ZC3H18: variants seen among roughly 807,000 people sequenced by gnomAD.
ZC3H18 encodes the protein zinc finger CCCH domain-containing protein 18.
In ZC3H18, 8 loss-of-function variants were observed where a neutral mutation model predicts 106.1. The ratio of observed to expected loss-of-function variants is 0.08; its 90% CI spans 0.04 to 0.14. The LOEUF is 0.14. ZC3H18 is among the 10% of genes least tolerant of loss of function. The pLI, the probability that ZC3H18 is intolerant of heterozygous loss-of-function variation, is 1.00. For synonymous variants in ZC3H18, 635 were observed against 522.1 expected (o/e 1.22, Z -2.95); for missense variants, 1,318 against 1,278.4 (o/e 1.03, Z -0.47).
intron 2 of ZC3H18, among the ~76,000 whole-genome samples, chr16:88,580,105 C>T (rs1915015722): frequency 6.6e-6 from 1 of 150,382 alleles, no homozygotes; most frequent in Admixed American, 6.6e-5. Context: ...TCAGCATTTG[C>T]GTAGGCTGTT....
At chr16:88,582,846 C>T (rs1915215376) in intron 2 of ZC3H18, among the ~76,000 whole-genome samples, 1 of 152,218 alleles carries the variant, frequency 6.6e-6, no homozygotes, top group African/African-American at 2.4e-5. Flanking sequence ...CCTGCCTCCC[C>T]TCTTGTGGGA....
intron 1 of ZC3H18, among the ~76,000 whole-genome samples, chr16:88,574,979 G>A (rs562649098): frequency 3.3e-4 from 50 of 151,346 alleles, no homozygotes; most frequent in South Asian, 4.2e-4. Context: ...ACAGGCACCC[G>A]CCACCACACC....
At chr16:88,598,032 T>A in intron 3 of ZC3H18, 146 bp from the exon 4 acceptor site, 525 of 580,288 alleles carry the variant, frequency 9.0e-4, no homozygotes, top group East Asian at 2.9e-3. Flanking sequence ...CCCGCCCACC[T>A]CCCCGTTCAG....
chr16:88,577,848 G>A, intron 2 of ZC3H18, 122 bp downstream of exon 2: 1 of 1,538,936 alleles, frequency 6.5e-7, no homozygotes. Context: ...GGATGGTGCA[G>A]GAGAATGAGA....
intron 5 of ZC3H18, 148 bp downstream of exon 5, chr16:88,598,860 A>T: frequency 1.4e-6 from 1 of 696,888 alleles, no homozygotes; most frequent in Non-Finnish European, 2.2e-6. Flanking sequence ...TTTATTTTTT[A>T]TTTATTTATT....
At chr16:88,576,147 G>C (rs1381433314) in intron 1 of ZC3H18, among the ~76,000 whole-genome samples, 2 of 151,992 alleles carry the variant, frequency 1.3e-5, no homozygotes, top group East Asian at 3.9e-4. Flanking sequence ...TGATCCACCT[G>C]CCTCGGGCCT....
At chr16:88,607,208 C>T (rs1182895221) in intron 6 of ZC3H18, among the ~76,000 whole-genome samples, 3 of 152,350 alleles carry the variant, frequency 2.0e-5, no homozygotes, top group African/African-American at 7.2e-5. Flanking sequence ...CTGGGTCTGC[C>T]TCTGGACCTC....
chr16:88,577,008 C>T (rs993315157), intron 1 of ZC3H18, 102 bp from the exon 2 acceptor site: 5 of 1,273,362 alleles, frequency 3.9e-6, no homozygotes, highest in Middle Eastern at 4.5e-4. Flanking sequence ...CCGTGTGGGA[C>T]CAAGCAGGAT....
intron 17 of ZC3H18, 54 bp downstream of exon 17, chr16:88,630,635 G>A (rs760916316): frequency 8.7e-6 from 13 of 1,492,074 alleles, no homozygotes; most frequent in Middle Eastern, 2.0e-4. Flanking sequence ...AGCCCCAGTC[G>A]CTTCCCCAGG....
intron 8 of ZC3H18, among the ~76,000 whole-genome samples, chr16:88,614,747 G>A (rs914218555): frequency 3.3e-5 from 5 of 152,216 alleles, no homozygotes; most frequent in African/African-American, 1.2e-4. Context: ...TTGACATTGT[G>A]CCGCCTTCTT....
intron 1 of ZC3H18, among the ~76,000 whole-genome samples, chr16:88,573,197 G>A (rs1017373345): frequency 4.6e-5 from 7 of 152,056 alleles, no homozygotes; most frequent in African/African-American, 7.2e-5. Context: ...TTCAGGTCTG[G>A]GTTCAGCTTG....
chr16:88,623,070 C>T (rs1906065112), intron 9 of ZC3H18, 149 bp from the exon 10 acceptor site: 11 of 1,130,136 alleles, frequency 9.7e-6, no homozygotes, highest in South Asian at 3.1e-5. Context: ...CGTCTGTGCG[C>T]GCGTCTGCAG....
Position 88,577,474 on chromosome 16 carries a change from C to A in ZC3H18, c.351C>A (p.Ser117=), listed in dbSNP as rs766176392. 1 of 1,612,714 alleles carries A rather than the reference C, an allele frequency of 6.2e-7. No individual in the cohort carries two copies. The highest frequency in any genetic ancestry group is 8.5e-7 in the Non-Finnish European group (1 of 1,179,658). The change falls in exon 2 of 18, where the codon TCC becomes TCA. Residue 117 remains serine, a synonymous_variant. Coordinates refer to ENST00000301011, the MANE Select transcript of ZC3H18 (RefSeq NM_144604.4). ...DRTSDLRDEA[S]SVTRELDEHE... is the part of the protein sequence containing the mutation. ...CAAGCGACCTTAGGGATGAGGCCTC[C>A]TCAGTCACCAGGGAGCTGGATGAGC...
intron 1 of ZC3H18, chr16:88,571,606 C>T (rs1465396060): frequency 1.9e-5 from 19 of 985,280 alleles, no homozygotes; most frequent in African/African-American, 3.5e-5. Context: ...ACTCCTCTCC[C>T]GTTGTAGGTG....
At position 88,631,339 on chromosome 16, in the gene ZC3H18, G is replaced by A; in HGVS notation, c.*40G>A. ...GGACTGGACGCATTTTTATACATAGGGTAAGCGCAGCCATTTTGGATTTTG... is the reference window on the plus strand; with the variant it reads ...GGACTGGACGCATTTTTATACATAGAGTAAGCGCAGCCATTTTGGATTTTG... On this transcript the variant is annotated 3_prime_UTR_variant, in exon 18 of 18. Coordinates refer to ENST00000301011, the MANE Select transcript of ZC3H18 (RefSeq NM_144604.4). 3 of 1,551,258 alleles carry A rather than the reference G, an allele frequency of 1.9e-6. No individual in the cohort carries two copies. The highest frequency in any genetic ancestry group is 2.6e-6 in the Non-Finnish European group (3 of 1,146,824).
At chr16:88,595,455 C>G (rs967234409) in intron 3 of ZC3H18, among the ~76,000 whole-genome samples, 3 of 142,406 alleles carry the variant, frequency 2.1e-5, no homozygotes, top group Non-Finnish European at 4.6e-5. Context: ...CTTCTATTTT[C>G]TGGATAATTT....
rs572208826 is a variant in ZC3H18 at position 88,605,550 on chromosome 16, A to G, written c.1089-3384A>G. Among the ~76,000 whole-genome samples, 8 of 152,380 alleles carry G rather than the reference A, an allele frequency of 5.3e-5. 1 individual carries two copies. In the East Asian group the frequency reaches 1.5e-3, roughly 29 times the overall value. Reference sequence around the variant, plus strand: ...TGAGCATCTGACTCCCACCCTTTGCAGAGCACAGCCTCCCTCCACCTGGGT... The same window carrying G: ...TGAGCATCTGACTCCCACCCTTTGCGGAGCACAGCCTCCCTCCACCTGGGT... On this transcript the variant is annotated intron_variant, in intron 6 of 17. Coordinates refer to ENST00000301011, the MANE Select transcript of ZC3H18 (RefSeq NM_144604.4).
chr16:88,577,342 A>C lies in ZC3H18; in HGVS notation c.219A>C (p.Ala73=). 1 of 1,604,774 alleles carries C rather than the reference A, an allele frequency of 6.2e-7. No individual in the cohort carries two copies. The change falls in exon 2 of 18, where the codon GCA becomes GCC. Residue 73 remains alanine (A), a synonymous_variant. Transcript: ENST00000301011. ...EDNHSDEEDR[A]SEPKSQDQDS... ...ATCACTCCGACGAGGAGGACCGGGC[A>C]AGTGAGCCTAAATCCCAAGACCAGG...
At chr16:88,579,542 G>T (rs922465660) in intron 2 of ZC3H18, among the ~76,000 whole-genome samples, 6 of 152,162 alleles carry the variant, frequency 3.9e-5, no homozygotes, top group Admixed American at 2.0e-4. Context: ...CCGCACCATG[G>T]GCGCGGGCGG....
Sources: allele counts gnomAD v4.1 joint callset (sites outside exome capture counted in the v4.1 genomes callset), GRCh38; gene constraint gnomAD v4.1.1; transcripts MANE v1.5; gene names NCBI Gene and HGNC (gene_info 2026-07-23, HGNC 2026-07-21).